Variants in NCOA2 observed in about 807,000 individuals in gnomAD.
NCOA2 encodes class E basic helix-loop-helix protein 75.
NCOA2 carries 21 observed loss-of-function variants against 145.1 expected under a neutral mutation model. The observed-to-expected ratio is 0.14, with a 90% CI of 0.10 to 0.21. The LOEUF is 0.21. Ranked by LOEUF, NCOA2 falls within the 10% of genes least tolerant of loss-of-function variation. The pLI is 1.00. For synonymous variants in NCOA2, 619 were observed against 637.5 expected, an observed-to-expected ratio of 0.97 and a Z score of 0.44; for missense variants, 1,472 against 1,837.6, an observed-to-expected ratio of 0.80 and a Z score of 3.64.
chr8:70,148,206 T>C, intron 12 of NCOA2, 67 bp downstream of exon 12: 1 of 1,498,192 alleles, frequency 6.7e-7, no homozygotes, highest in Non-Finnish European at 9.3e-7. Context: ...CAGACTTCAA[T>C]AATCCCTGTT....
chr8:70,310,914 A>AACCATG (rs1279862913), intron 1 of NCOA2, among the ~76,000 whole-genome samples: 2 of 152,242 alleles, frequency 1.3e-5, no homozygotes, highest in Non-Finnish European at 2.9e-5. Flanking sequence ...AAGAACACAA[A>AACCATG]TAGAGAAAAT....
intron 1 of NCOA2, among the ~76,000 whole-genome samples, chr8:70,301,671 A>AAAG (rs984475959): frequency 2.0e-5 from 3 of 150,834 alleles, no homozygotes; most frequent in African/African-American, 7.3e-5. Context: ...AAAAAAAAAA[A>AAAG]AAAAAAAAAG....
the NCOA2 span, among the ~76,000 whole-genome samples, chr8:70,433,814 T>A: frequency 2.4e-4 from 36 of 152,274 alleles, no homozygotes; most frequent in Admixed American, 2.0e-4. Flanking sequence ...AAGTTGCCGC[T>A]TCTTAAAGGG....
chr8:70,290,519 A>G (rs1826591239), intron 2 of NCOA2, among the ~76,000 whole-genome samples: 1 of 152,230 alleles, frequency 6.6e-6, no homozygotes, highest in Admixed American at 6.5e-5. Context: ...TCCATGAATC[A>G]TTCATGAAAT....
chr8:70,255,939 T>C (rs940733782), intron 2 of NCOA2, among the ~76,000 whole-genome samples: 1 of 152,232 alleles, frequency 6.6e-6, no homozygotes. Context: ...AAGCTGAATC[T>C]GCTGACTTGA....
At chr8:70,414,937 A>T in the NCOA2 span, among the ~76,000 whole-genome samples, 2 of 129,992 alleles carry the variant, frequency 1.5e-5, no homozygotes, top group South Asian at 4.6e-4. Context: ...ACAAAATGAT[A>T]AAAAAAAAAG....
intron 3 of NCOA2, among the ~76,000 whole-genome samples, chr8:70,214,979 T>A (rs1053543996): frequency 6.6e-6 from 1 of 152,152 alleles, no homozygotes; most frequent in Non-Finnish European, 1.5e-5. Flanking sequence ...GGATTCACAA[T>A]AGACTTTCAT....
At chr8:70,311,120 GT>G (rs890809968) in intron 1 of NCOA2, among the ~76,000 whole-genome samples, 12 of 150,258 alleles carry the variant, frequency 8.0e-5, no homozygotes, top group African/African-American at 2.2e-4. Context: ...TTATTTCCTA[GT>G]TTTTTTTTAA....
At chr8:70,324,895 A>C (rs151337058) in intron 1 of NCOA2, among the ~76,000 whole-genome samples, 8 of 152,188 alleles carry the variant, frequency 5.3e-5, no homozygotes, top group African/African-American at 1.9e-4. Flanking sequence ...TTTACTTTGG[A>C]AATTTTGAAA....
intron 1 of NCOA2, among the ~76,000 whole-genome samples, chr8:70,364,749 A>T (rs1445896999): frequency 6.6e-6 from 1 of 151,962 alleles, no homozygotes; most frequent in Admixed American, 6.6e-5. Flanking sequence ...CTTAAAAAAA[A>T]AAAAAAAAAC....
At chr8:70,304,568 G>T (rs975902748) in intron 1 of NCOA2, among the ~76,000 whole-genome samples, 1 of 151,894 alleles carries the variant, frequency 6.6e-6, no homozygotes, top group African/African-American at 2.4e-5. Flanking sequence ...CCAGGTTCAA[G>T]CAATTCTCTG....
Position 70,133,059 on chromosome 8 carries a change from G to A in NCOA2, c.3159-1057C>T, listed in dbSNP as rs375109916. ...TACATTTAAATTAATTGTCAGATTA[G>A]AGTAGAGGAGGGGTGTGTGTGTGTG... On this transcript the variant is annotated intron_variant, in intron 15 of 22. Transcript: ENST00000452400. Among the ~76,000 whole-genome samples, 30 of 151,826 alleles carry A rather than the reference G, an allele frequency of 2.0e-4. 2 individuals carry two copies. The South Asian group carries it at 6.3e-3, about 32-fold the overall frequency.
intron 2 of NCOA2, among the ~76,000 whole-genome samples, chr8:70,277,608 T>C (rs1563713688): frequency 6.6e-6 from 1 of 151,676 alleles, no homozygotes; most frequent in East Asian, 1.9e-4. Context: ...GACAGTTGAG[T>C]AAAAAAAAAT....
At chr8:70,233,200 T>A (rs983197886) in intron 2 of NCOA2, among the ~76,000 whole-genome samples, 3 of 151,830 alleles carry the variant, frequency 2.0e-5, no homozygotes, top group Non-Finnish European at 4.4e-5. Context: ...CACTCCAGCC[T>A]GGGTGACAGA....
intron 1 of NCOA2, among the ~76,000 whole-genome samples, chr8:70,399,814 A>C (rs1814059649): frequency 1.3e-5 from 2 of 152,256 alleles, no homozygotes. Context: ...TATCCTAAAG[A>C]GTGCTTAAAG....
intron 1 of NCOA2, among the ~76,000 whole-genome samples, chr8:70,313,451 G>C (rs967036533): frequency 2.0e-5 from 3 of 152,120 alleles, no homozygotes; most frequent in African/African-American, 7.2e-5. Flanking sequence ...TTTAGAAGTG[G>C]TATAACTTAC....
At chr8:70,130,381 C>T (rs1031382900) in intron 16 of NCOA2, among the ~76,000 whole-genome samples, 4 of 152,164 alleles carry the variant, frequency 2.6e-5, no homozygotes, top group African/African-American at 9.6e-5. Context: ...GACATGACAC[C>T]TGTTTTGATA....
chr8:70,279,231 C>T (rs1037843171), intron 2 of NCOA2, among the ~76,000 whole-genome samples: 7 of 152,224 alleles, frequency 4.6e-5, no homozygotes, highest in South Asian at 4.1e-4. Context: ...TGGAATTACC[C>T]GCAGTAGGTG....
intron 6 of NCOA2, among the ~76,000 whole-genome samples, chr8:70,168,733 T>C (rs919991287): frequency 6.6e-6 from 1 of 152,212 alleles, no homozygotes; most frequent in African/African-American, 2.4e-5. Flanking sequence ...GTTAAAAGGA[T>C]ACAATATAAA....
Sources: allele counts gnomAD v4.1 joint callset (sites outside exome capture counted in the v4.1 genomes callset), GRCh38; gene constraint gnomAD v4.1.1; transcripts MANE v1.5; gene names NCBI Gene and HGNC (gene_info 2026-07-23, HGNC 2026-07-21).